ZNF646: variants seen among roughly 807,000 people sequenced by gnomAD.
ZNF646 encodes zinc finger protein 646.
Under a neutral mutation model 115.4 loss-of-function variants are expected in ZNF646, and 49 were observed. The ratio of observed to expected loss-of-function variants is 0.42; its 90% CI spans 0.34 to 0.54. The LOEUF is 0.54. Ranked by LOEUF, ZNF646 falls within the 20% of genes least tolerant of loss-of-function variation. ZNF646 has a pLI of 0.04. For synonymous variants in ZNF646, 933 were observed against 939.0 expected, an observed-to-expected ratio of 0.99 and a Z score of 0.12; for missense variants, 2,269 against 2,457.9, an observed-to-expected ratio of 0.92 and a Z score of 1.62.
In ZNF646 at chr16:31,077,938, G is replaced by A. The variant is rs148039622; in HGVS notation, c.1614G>A (p.Pro538=). Residue 538 remains proline (P), a synonymous_variant, in exon 2 of 3, where the codon CCG becomes CCA. Transcript: ENST00000300850. ...CCAGCCACCTCAAGGTAGAACTCCCGCCTGACCCAGTGGAGGCAGAGGCAG... is the reference window on the plus strand; with the variant it reads ...CCAGCCACCTCAAGGTAGAACTCCCACCTGACCCAGTGGAGGCAGAGGCAG... ...GAPSHLKVEL[P]PDPVEAEAAP... is the part of the protein sequence containing the mutation. 1.0e-4 allele frequency: 161 copies of A among 1,613,750 alleles called. No individual in the cohort carries two copies. Among genetic ancestry groups the A allele is most frequent in the Non-Finnish European group, 1.3e-4 (155 of 1,180,030 alleles).
At chr16:31,073,310 GA>G, upstream of ZNF646, 1 of 152,620 alleles carries the variant, frequency 6.6e-6, no homozygotes, top group Non-Finnish European at 1.5e-5. Context: ...CTCAGCAGGG[GA>G]GGGGGCCGCC....
intron 2 of ZNF646, 76 bp downstream of exon 2, chr16:31,081,777 G>A (rs767496641): frequency 2.0e-6 from 3 of 1,470,922 alleles, no homozygotes; most frequent in Admixed American, 2.6e-5. Context: ...GTCGGTGGGG[G>A]AGCAAGGAGT....
rs2143844179 is a variant in ZNF646, at chr16:31,081,674, C to T, written c.5350C>T (p.Gln1784Ter). 1 of 1,599,094 alleles carries T rather than the reference C, an allele frequency of 6.3e-7. No homozygotes were observed. The highest frequency in any genetic ancestry group is 2.2e-5 in the East Asian group (1 of 44,672). Residue 1784 changes from glutamine (Q) to a stop codon, truncating the protein, a stop_gained, in exon 2 of 3, where the codon CAG (glutamine) becomes TAG (stop). Transcript: ENST00000300850. LOFTEE classifies it high-confidence loss of function. ...CTTCGTGCAGCACCAGCAGCAGCAC[C>T]AGGAGGAGTGGACGGTGGCCGGCTC... ...ISFVQHQQQHQEEWTVAGSGA... is the reference protein window; with the variant it reads ...ISFVQHQQQH
Position 31,082,962 on chromosome 16 carries a change from TC to T in ZNF646, c.5378-3del. ...CTCAGTTGGTGACCTCCTCTCTCTC[TC>T]CCCCCAGGAGCCCCAGTGGCACCAG... On this transcript the variant is annotated splice_region_variant and splice_polypyrimidine_tract_variant and intron_variant, in intron 2 of 2. Coordinates refer to ENST00000300850, the MANE Select transcript of ZNF646 (RefSeq NM_014699.4). 2 of 1,574,962 alleles carry T rather than the reference TC, an allele frequency of 1.3e-6. No individual in the cohort carries two copies. Among genetic ancestry groups the T allele is most frequent in the Non-Finnish European group, 8.6e-7 (1 of 1,159,640 alleles).
Position 31,078,686 on chromosome 16 carries a change from C to G in ZNF646, c.2362C>G (p.Leu788Val). 2 of 1,614,152 alleles carry G rather than the reference C, an allele frequency of 1.2e-6. No individual in the cohort carries two copies. Among genetic ancestry groups the G allele is most frequent in the African/African-American group, 1.3e-5 (1 of 75,064 alleles). ...EGGGTHFCDS[L>V]TGVDEDQKPA... ...TGGTGGCACTCACTTCTGCGATAGC[C>G]TCACTGGGGTGGATGAAGACCAGAA... The change falls in exon 2 of 3, where the codon CTC becomes GTC. Residue 788 changes from leucine (L) to valine (V), a missense_variant. Around this residue, in one of 5 missense-constraint regions of ZNF646, gnomAD observed 852 missense variants for 900.2 expected, o/e 0.95. Coordinates refer to ENST00000300850, the MANE Select transcript of ZNF646 (RefSeq NM_014699.4).
At position 31,078,579 on chromosome 16, in the gene ZNF646, A is replaced by C; in HGVS notation, c.2255A>C (p.Lys752Thr). ...GATGAGACCCATTTCCAGGGTGATA[A>C]AGAGAGCGGAGGCACTGGGGAAGGA... Reference protein sequence around the residue: ...ERDETHFQGDKESGGTGEGLE... With the variant: ...ERDETHFQGDTESGGTGEGLE... Residue 752 changes from lysine (K) to threonine (T), a missense_variant, in exon 2 of 3, where the codon AAA (lysine) becomes ACA (threonine). Transcript: ENST00000300850. 6.2e-7 allele frequency: 1 copy of C among 1,611,244 alleles called. No individual in the cohort carries two copies. The highest frequency in any genetic ancestry group is 1.3e-5 in the African/African-American group (1 of 75,040).
rs775536855 is a variant in ZNF646, at chr16:31,083,138, A to G, written c.*46A>G. On this transcript the variant is annotated 3_prime_UTR_variant, in exon 3 of 3. Coordinates refer to ENST00000300850, the MANE Select transcript of ZNF646 (RefSeq NM_014699.4). ...AGAATCTGGGGGAGGGAGCGCGTGCAGGGAGGGGCTTGATCTCCACATTTT... is the reference window on the plus strand; with the variant it reads ...AGAATCTGGGGGAGGGAGCGCGTGCGGGGAGGGGCTTGATCTCCACATTTT... 2 of 1,581,528 alleles carry G rather than the reference A, an allele frequency of 1.3e-6. No homozygotes were observed. Among genetic ancestry groups the G allele is most frequent in the South Asian group, 1.1e-5 (1 of 87,100 alleles).
chr16:31,081,747 G>C (rs1317295873), intron 2 of ZNF646, 46 bp downstream of exon 2: 1 of 1,513,320 alleles, frequency 6.6e-7, no homozygotes, highest in South Asian at 1.3e-5. Flanking sequence ...ACACAGTGGA[G>C]GGGGAAGTCC....
chr16:31,076,361 T>G lies in ZNF646; in HGVS notation c.37T>G (p.Cys13Gly), dbSNP rs202098925. The G allele has an allele frequency of 6.2e-7, 1 of 1,613,336 alleles. No homozygotes were observed. The highest frequency in any genetic ancestry group is 2.2e-5 in the East Asian group (1 of 44,868). Residue 13 changes from cysteine (C) to glycine (G), a missense_variant, in exon 2 of 3, where the codon TGT (cysteine) becomes GGT (glycine). Around this residue, in one of 5 missense-constraint regions of ZNF646, gnomAD observed 334 missense variants for 323.5 expected, o/e 1.03. Transcript: ENST00000300850. The part of the protein sequence containing the change: ...DTPPSLSCSD[C>G]QRHFPSLPEL... ...ACCCCCCTCACTCAGCTGCTCCGACTGTCAGCGCCACTTTCCCAGCCTCCC... is the reference window on the plus strand; with the variant it reads ...ACCCCCCTCACTCAGCTGCTCCGACGGTCAGCGCCACTTTCCCAGCCTCCC...
chr16:31,080,084 G>C lies in ZNF646; in HGVS notation c.3760G>C (p.Asp1254His). 1.2e-6 allele frequency: 2 copies of C among 1,613,136 alleles called. No homozygotes were observed. Among genetic ancestry groups the C allele is most frequent in the Non-Finnish European group, 1.7e-6 (2 of 1,179,844 alleles). The part of the protein sequence containing the change: ...SLKNHRRIHA[D>H]PRRFRCSECG... ...CAAGAACCACCGGCGCATCCATGCA[G>C]ATCCCCGACGTTTCCGCTGCAGCGA... The change falls in exon 2 of 3, where the codon GAT becomes CAT. Residue 1254 changes from aspartate to histidine, a missense_variant. Transcript: ENST00000300850.
intron 2 of ZNF646, 25 bp downstream of exon 2, chr16:31,081,726 A>T (rs777124130): frequency 2.9e-5 from 45 of 1,548,970 alleles, no homozygotes; most frequent in Non-Finnish European, 3.8e-5. Flanking sequence ...GGGTCCCAGG[A>T]GGAGGTGGGC....
Position 31,078,694 on chromosome 16 carries a change from G to T in ZNF646, c.2370G>T (p.Gly790=). 4 of 1,614,086 alleles carry T rather than the reference G, an allele frequency of 2.5e-6. No individual in the cohort carries two copies. The highest frequency in any genetic ancestry group is 3.4e-6 in the Non-Finnish European group (4 of 1,180,022). ...CTCACTTCTGCGATAGCCTCACTGGGGTGGATGAAGACCAGAAGCCAGCCA... is the reference window on the plus strand; with the variant it reads ...CTCACTTCTGCGATAGCCTCACTGGTGTGGATGAAGACCAGAAGCCAGCCA... The part of the protein sequence containing the change: ...GGTHFCDSLT[G]VDEDQKPATG... The change falls in exon 2 of 3, where the codon GGG becomes GGT. Residue 790 remains glycine (G), a synonymous_variant. Transcript: ENST00000300850.
rs1304157846 is a variant in ZNF646 at position 31,077,039 on chromosome 16, T to C, written c.715T>C (p.Tyr239His). 17 of 1,613,700 alleles carry C rather than the reference T, an allele frequency of 1.1e-5. No homozygotes were observed. Among genetic ancestry groups the C allele is most frequent in the Admixed American group, 1.7e-5 (1 of 59,988 alleles). Residue 239 changes from tyrosine (Y) to histidine (H), a missense_variant, in exon 2 of 3, where the codon TAC becomes CAC. This residue lies in a region of ZNF646 where 334 missense variants were observed against 323.5 expected (regional missense o/e 1.03). Transcript: ENST00000300850. ...QSPPAEEERRYKCSQCGKTYK... is the reference protein window; with the variant it reads ...QSPPAEEERRHKCSQCGKTYK... ...CCCTCCTGCTGAGGAGGAGCGGCGG[T>C]ACAAATGTAGTCAGTGTGGCAAGAC...
At position 31,083,582 on chromosome 16, in the gene ZNF646, G is replaced by A; in HGVS notation, c.*490G>A. 1.4e-6 allele frequency: 2 copies of A among 1,449,014 alleles called. No individual in the cohort carries two copies. The highest frequency in any genetic ancestry group is 9.1e-7 in the Non-Finnish European group (1 of 1,096,572). 89.8% of individuals were successfully genotyped at this position (1,449,014 alleles called of 1,614,324 possible). A position where few individuals can be genotyped will look rare whatever the true frequency, so the allele number is the denominator to read the frequency against. ...GCTGAGACGCCTGCTTGGTAGCAGA[G>A]TTGGGTGTGGGAGTGTCCACAGACA... is the stretch of plus-strand genomic sequence containing the variant. On this transcript the variant is annotated 3_prime_UTR_variant, in exon 3 of 3. Transcript: ENST00000300850.
In ZNF646 at chr16:31,082,939, CAGTT is replaced by C. The variant is rs548617942; in HGVS notation, c.5378-31_5378-28del. The C allele has an allele frequency of 1.6e-4, 247 of 1,557,372 alleles. 1 individual carries two copies. The African/African-American group carries it at 1.9e-3, about 12-fold the overall frequency. On this transcript the variant is annotated intron_variant, in intron 2 of 2. Transcript: ENST00000300850. ...TACACGCTGTGCGGGGTCTGCCCCT[CAGTT>C]GGTGACCTCCTCTCTCTCTCCCCCC... is the stretch of plus-strand genomic sequence containing the variant.
At position 31,080,198 on chromosome 16, in the gene ZNF646, G is replaced by C. The variant is rs759956972; in HGVS notation, c.3874G>C (p.Ala1292Pro). The C allele has an allele frequency of 6.2e-6, 10 of 1,609,318 alleles. No homozygotes were observed. The Admixed American group carries it at 1.7e-4, about 27-fold the overall frequency. Residue 1292 changes from alanine (A) to proline (P), a missense_variant, in exon 2 of 3, where the codon GCG (alanine) becomes CCG (proline). By Grantham distance (27) the Ala-to-Pro change is conservative. This residue lies in a region of ZNF646 where 1,062 missense variants were observed against 1,172.8 expected (regional missense o/e 0.91). Transcript: ENST00000300850. ...ERRGGGGTRK[A>P]TREDRPFRCG... is the part of the protein sequence containing the mutation. ...GCGTGGGGGTGGGGGCACCCGAAAG[G>C]CGACTCGGGAAGATCGGCCCTTCCG...
At position 31,081,163 on chromosome 16, in the gene ZNF646, G is replaced by C. The variant is rs1265812108; in HGVS notation, c.4839G>C (p.Gln1613His). Residue 1613 changes from glutamine (Q) to histidine (H), a missense_variant, in exon 2 of 3, where the codon CAG becomes CAC. By Grantham distance (24) the Gln-to-His change is conservative. This residue lies in a region of ZNF646 where 1,062 missense variants were observed against 1,172.8 expected (regional missense o/e 0.91). Coordinates refer to ENST00000300850, the MANE Select transcript of ZNF646 (RefSeq NM_014699.4). ...HLQAHARGHS[Q>H]VPAQMEEARD... ...AGGCTCATGCCCGGGGCCACAGCCA[G>C]GTGCCAGCCCAGATGGAGGAGGCCA... is the stretch of plus-strand genomic sequence containing the variant. 2.5e-6 allele frequency: 4 copies of C among 1,598,522 alleles called. No individual in the cohort carries two copies. Among genetic ancestry groups the C allele is most frequent in the Non-Finnish European group, 3.4e-6 (4 of 1,170,890 alleles).
chr16:31,081,585 A>T lies in ZNF646; in HGVS notation c.5261A>T (p.His1754Leu). The stretch of plus-strand genomic sequence containing the variant: ...CGGCTGGAGGGCCACGGGCGGGTCC[A>T]TGCACCCCGGGAGGGGCCTTTCACC... ...AARLEGHGRV[H>L]APREGPFTCP... Residue 1754 changes from histidine (H) to leucine (L), a missense_variant, in exon 2 of 3, where the codon CAT becomes CTT. His to Leu is a moderately conservative substitution (Grantham distance 99, BLOSUM62 -3). This residue lies in a region of ZNF646 where 1,062 missense variants were observed against 1,172.8 expected (regional missense o/e 0.91). Coordinates refer to ENST00000300850, the MANE Select transcript of ZNF646 (RefSeq NM_014699.4). 1 of 1,612,900 alleles carries T rather than the reference A, an allele frequency of 6.2e-7. No homozygotes were observed.
In ZNF646 at chr16:31,077,688, A is replaced by G. The variant is rs756230681; in HGVS notation, c.1364A>G (p.Asp455Gly). Residue 455 changes from aspartate (D) to glycine (G), a missense_variant, in exon 2 of 3, where the codon GAC becomes GGC. Asp to Gly is a moderately conservative substitution (Grantham distance 94). Coordinates refer to ENST00000300850, the MANE Select transcript of ZNF646 (RefSeq NM_014699.4). ...LAETTHKEEEDPTTTLDHRPY... is the reference protein window; with the variant it reads ...LAETTHKEEEGPTTTLDHRPY... ...GAGACCACCCACAAAGAGGAAGAGG[A>G]CCCCACCACCACCCTGGACCATCGG... The G allele has an allele frequency of 6.2e-7, 1 of 1,613,940 alleles. No individual in the cohort carries two copies. The highest frequency in any genetic ancestry group is 1.1e-5 in the South Asian group (1 of 91,084).
Sources: gnomAD v4.1 joint callset for allele counts on GRCh38, gnomAD v4.1.1 for gene constraint, gnomAD v4.1.1 regional missense constraint, MANE v1.5 for transcripts, NCBI Gene and HGNC (gene_info 2026-07-23, HGNC 2026-07-21) for gene names.